Variants in KLHL25 observed in about 807,000 individuals in gnomAD.
KLHL25 encodes the protein kelch like family member 25, also known as kelch-like protein 25.
Under a neutral mutation model 30.0 loss-of-function variants are expected in KLHL25, and 41 were observed. The observed-to-expected ratio is 1.37, with a 90% CI of 1.07 to 1.78. The LOEUF is 1.78. Among genes scored for constraint, KLHL25 ranks in the 40% most tolerant of loss-of-function variants. The pLI is 0.00. For synonymous variants in KLHL25, 399 were observed against 355.3 expected (o/e 1.12, Z -1.38); for missense variants, 971 against 824.5 (o/e 1.18, Z -2.18).
intron 1 of KLHL25, among the ~76,000 whole-genome samples, chr15:85,784,530 CA>C (rs1567243033): frequency 1.5e-5 from 2 of 130,704 alleles, no homozygotes; most frequent in African/African-American, 2.7e-5. Context: ...AACTCCATCT[CA>C]AAAAAAATAA....
Position 85,768,012 on chromosome 15 carries a change from C to A in KLHL25, c.*24+5G>T. On this transcript the variant is annotated splice_donor_5th_base_variant and intron_variant, in intron 2 of 2. Transcript: ENST00000337975. ...CAGAGTGGCCGTGGGCTGCCAGGGA[C>A]TCACCTGGCTGGGCTCAGCAGGTGC... The A allele has an allele frequency of 6.3e-7, 1 of 1,579,034 alleles. No homozygotes were observed. The highest frequency in any genetic ancestry group is 8.7e-7 in the Non-Finnish European group (1 of 1,155,550).
At position 85,768,609 on chromosome 15, in the gene KLHL25, C is replaced by T. The variant is rs748353450; in HGVS notation, c.1202G>A (p.Gly401Glu). 6.2e-7 allele frequency: 1 copy of T among 1,611,790 alleles called. No individual in the cohort carries two copies. The highest frequency in any genetic ancestry group is 1.1e-5 in the South Asian group (1 of 90,964). The change falls in exon 2 of 3, where the codon GGG becomes GAG. Residue 401 changes from glycine (G) to glutamate (E), a missense_variant. Gly to Glu is a moderately conservative substitution (Grantham distance 98). Transcript: ENST00000337975. ...GACAGAAGGCGAGGCCGGGAAGACC[C>T]CTGCCAGGGATGTGTGTCCCCCCAC... Reference protein sequence around the residue: ...YVVGGHTSLAGVFPASPSVSL... With the variant: ...YVVGGHTSLAEVFPASPSVSL...
chr15:85,783,270 T>C (rs2089756790), intron 1 of KLHL25, among the ~76,000 whole-genome samples: 1 of 151,888 alleles, frequency 6.6e-6, no homozygotes, highest in Non-Finnish European at 1.5e-5. Flanking sequence ...GTATTTTTTT[T>C]TTTGGTAGAG....
rs928145015 is a variant in KLHL25, at chr15:85,784,527, T to C, written c.-11+10239A>G. Among the ~76,000 whole-genome samples, 5 of 142,148 alleles carry C rather than the reference T, an allele frequency of 3.5e-5. 1 individual carries two copies. The Admixed American group carries it at 3.5e-4, about 10-fold the overall frequency. The allele number at this position is 142,148 out of a possible 152,430, so 93.3% of individuals were successfully genotyped here. A position where few individuals can be genotyped will look rare whatever the true frequency, so the allele number is the denominator to read the frequency against. On this transcript the variant is annotated intron_variant, in intron 1 of 2. Coordinates refer to ENST00000337975, the MANE Select transcript of KLHL25 (RefSeq NM_022480.4). ...CCCAGGCAACAACAGCGAAACTCCA[T>C]CTCAAAAAAAATAAAAAAATAAAAA...
At chr15:85,790,577 G>C (rs2089809999) in intron 1 of KLHL25, among the ~76,000 whole-genome samples, 1 of 152,148 alleles carries the variant, frequency 6.6e-6, no homozygotes, top group Admixed American at 6.6e-5. Context: ...AGGCTCACAG[G>C]GGTAAGGGAA....
Position 85,760,762 on chromosome 15 carries a change from TC to T in KLHL25, c.*273del, listed in dbSNP as rs1409911880. ...TCCTTCTCCCCGACGCCAGGGTCAG[TC>T]CTGGTGGCAGTCCATGCCCCTCTGG... On this transcript the variant is annotated 3_prime_UTR_variant, in exon 3 of 3. Coordinates refer to ENST00000337975, the MANE Select transcript of KLHL25 (RefSeq NM_022480.4). 1 of 152,436 alleles carries T rather than the reference TC, an allele frequency of 6.6e-6. No homozygotes were observed. The highest frequency in any genetic ancestry group is 1.5e-5 in the Non-Finnish European group (1 of 68,196). 9.4% of individuals were successfully genotyped at this position (152,436 alleles called of 1,614,324 possible). A position where few individuals can be genotyped will look rare whatever the true frequency, so the allele number is the denominator to read the frequency against.
intron 1 of KLHL25, among the ~76,000 whole-genome samples, chr15:85,791,737 C>T (rs1387619140): frequency 1.3e-5 from 2 of 152,104 alleles, no homozygotes; most frequent in East Asian, 1.9e-4. Context: ...AAGGGGAGCC[C>T]GGCATGACTG....
chr15:85,774,849 C>A (rs1031515088), intron 1 of KLHL25, among the ~76,000 whole-genome samples: 1 of 151,836 alleles, frequency 6.6e-6, no homozygotes, highest in African/African-American at 2.4e-5. Context: ...AACCCCTCCC[C>A]ACTCCCGCAG....
chr15:85,766,504 C>T (rs142937425), intron 2 of KLHL25, among the ~76,000 whole-genome samples: 15 of 152,312 alleles, frequency 9.8e-5, no homozygotes, highest in African/African-American at 3.6e-4. Context: ...GACCTCATGC[C>T]GATCCTGCCC....
intron 1 of KLHL25, among the ~76,000 whole-genome samples, chr15:85,775,320 T>TA: frequency 6.6e-6 from 1 of 152,136 alleles, no homozygotes; most frequent in South Asian, 2.1e-4. Context: ...GCACAAGACT[T>TA]AGAGAGGAAA....
intron 1 of KLHL25, among the ~76,000 whole-genome samples, chr15:85,773,562 G>A (rs758633638): frequency 3.9e-5 from 6 of 152,206 alleles, no homozygotes; most frequent in Non-Finnish European, 7.3e-5. Context: ...GCACATCACT[G>A]GGCCCTGGGG....
intron 1 of KLHL25, among the ~76,000 whole-genome samples, chr15:85,792,002 C>G (rs1036547354): frequency 3.3e-5 from 5 of 152,190 alleles, no homozygotes; most frequent in Admixed American, 3.3e-4. Context: ...AGCACCCCTT[C>G]CCCAGTTTCT....
At chr15:85,771,551 C>G (rs922057214) in intron 1 of KLHL25, among the ~76,000 whole-genome samples, 1 of 152,248 alleles carries the variant, frequency 6.6e-6, no homozygotes, top group Non-Finnish European at 1.5e-5. Context: ...GAGATTAGAG[C>G]TAGCAAGGTC....
At chr15:85,763,708 T>G (rs1004472563) in intron 2 of KLHL25, 1 of 152,318 alleles carries the variant, frequency 6.6e-6, no homozygotes, top group Admixed American at 6.5e-5. Context: ...ACAGGGGCAG[T>G]TGGGCCCAGC....
chr15:85,780,265 G>C (rs1439194807), intron 1 of KLHL25, among the ~76,000 whole-genome samples: 1 of 152,236 alleles, frequency 6.6e-6, no homozygotes, highest in Non-Finnish European at 1.5e-5. Flanking sequence ...AGGGGACAAA[G>C]AACTCAGCAC....
At chr15:85,776,280 G>A (rs1477285248) in intron 1 of KLHL25, among the ~76,000 whole-genome samples, 2 of 152,010 alleles carry the variant, frequency 1.3e-5, no homozygotes, top group Admixed American at 1.3e-4. Context: ...CCTGAGGTCA[G>A]GAGTTGGAGA....
Position 85,768,480 on chromosome 15 carries a change from A to G in KLHL25, c.1331T>C (p.Leu444Pro), listed in dbSNP as rs1014479234. 3 of 1,613,646 alleles carry G rather than the reference A, an allele frequency of 1.9e-6. No homozygotes were observed. Among genetic ancestry groups the G allele is most frequent in the Non-Finnish European group, 2.5e-6 (3 of 1,179,946 alleles). Residue 444 changes from leucine (L) to proline (P), a missense_variant, in exon 2 of 3, where the codon CTG becomes CCG. Transcript: ENST00000337975. The stretch of plus-strand genomic sequence containing the variant: ...GGTTCCTCCGAAAACAAAGAGCTTC[A>G]GCTTGGCACTCACCACTGCGGCATT... ...VSNAAVVSAK[L>P]KLFVFGGTSI...
In KLHL25 at chr15:85,768,734, C is replaced by T. The variant is rs749248028; in HGVS notation, c.1077G>A (p.Trp359Ter). The change falls in exon 2 of 3, where the codon TGG becomes TGA. Residue 359 changes from tryptophan (W) to a stop codon, truncating the protein, a stop_gained. Coordinates refer to ENST00000337975, the MANE Select transcript of KLHL25 (RefSeq NM_022480.4). LOFTEE classifies it high-confidence loss of function. ...ATTCCTCATGTACGGTGTCGTACAC[C>T]CAGACATCCTTGGAGACCCCGTTCT... is the stretch of plus-strand genomic sequence containing the variant. ...GSENGVSKDV[W>*]VYDTVHEEWS... The T allele has an allele frequency of 6.2e-7, 1 of 1,613,328 alleles. No homozygotes were observed. Among genetic ancestry groups the T allele is most frequent in the Admixed American group, 1.7e-5 (1 of 60,030 alleles).
chr15:85,769,134 T>C lies in KLHL25; in HGVS notation c.677A>G (p.Lys226Arg). 6.2e-7 allele frequency: 1 copy of C among 1,609,142 alleles called. No homozygotes were observed. Among genetic ancestry groups the C allele is most frequent in the Admixed American group, 1.7e-5 (1 of 59,958 alleles). Residue 226 changes from lysine to arginine, a missense_variant, in exon 2 of 3, where the codon AAG becomes AGG. By Grantham distance (26) the Lys-to-Arg change is conservative. Transcript: ENST00000337975. Reference sequence around the variant, plus strand: ...GCGGAGGAGCTCGGGCAAGTGGACCTTCCGTGGCTCCAGGTCGTGCTTCAC... The same window carrying C: ...GCGGAGGAGCTCGGGCAAGTGGACCCTCCGTGGCTCCAGGTCGTGCTTCAC... ...QWVKHDLEPR[K>R]VHLPELLRSV...
Sources: gnomAD v4.1 joint callset for allele counts (sites outside exome capture counted in the v4.1 genomes callset) on GRCh38, gnomAD v4.1.1 for gene constraint, MANE v1.5 for transcripts, NCBI Gene and HGNC (gene_info 2026-07-23, HGNC 2026-07-21) for gene names.